The following NCOR1 variants were observed in gnomAD, a reference collection of about 807,000 sequenced individuals.
NCOR1 encodes the protein nuclear receptor corepressor 1, also known as protein phosphatase 1, regulatory subunit 109.
NCOR1 carries 63 observed loss-of-function variants against 288.1 expected under a neutral mutation model. That is an observed-to-expected ratio of 0.22 (90% CI 0.18 to 0.27). The LOEUF (loss-of-function observed/expected upper bound fraction) is 0.27. NCOR1 is among the 10% of genes least tolerant of loss of function. The pLI is 1.00. For missense variants in NCOR1, 2,397 were observed against 3,019.2 expected (o/e 0.79, Z 4.83); for synonymous variants, 1,007 against 1,065.9 (o/e 0.94, Z 1.08).
intron 18 of NCOR1, among the ~76,000 whole-genome samples, chr17:16,113,275 A>T (rs926978525): frequency 6.6e-6 from 1 of 152,092 alleles, no homozygotes; most frequent in Non-Finnish European, 1.5e-5. Flanking sequence ...TGACTTACTA[A>T]AACAGTGGCA....
At position 16,031,052 on chromosome 17, in the gene NCOR1, C is replaced by T. The variant is rs1971889816; in HGVS notation, c.*1244G>A. ...GTATGAAAAAAACTTTAAAATTCAG[C>T]AAGCAATTCTTAATGAAAGATAAAA... is the stretch of plus-strand genomic sequence containing the variant. On this transcript the variant is annotated 3_prime_UTR_variant, in exon 46 of 46. Coordinates refer to ENST00000268712, the MANE Select transcript of NCOR1 (RefSeq NM_006311.4). The T allele has an allele frequency of 5.2e-6, 1 of 193,712 alleles. No individual in the cohort carries two copies. The highest frequency in any genetic ancestry group is 1.9e-4 in the South Asian group (1 of 5,194). 12.0% of individuals were successfully genotyped at this position (193,712 alleles called of 1,614,324 possible).
intron 18 of NCOR1, among the ~76,000 whole-genome samples, chr17:16,109,788 G>A (rs887435392): frequency 1.3e-5 from 2 of 152,022 alleles, no homozygotes; most frequent in Non-Finnish European, 2.9e-5. Flanking sequence ...AGGCTGGAGT[G>A]CAGTGGCAGG....
At chr17:16,080,144 G>A (rs118072442) in intron 25 of NCOR1, 80 bp from the exon 26 acceptor site, 27,831 of 1,186,552 alleles carry the variant, frequency 0.023, 460 homozygotes, top group Non-Finnish European at 0.028. Context: ...CTACTTGGGA[G>A]AGTACTCAAC....
intron 22 of NCOR1, 172 bp downstream of exon 22, chr17:16,091,691 A>C: frequency 8.4e-6 from 12 of 1,432,452 alleles, no homozygotes; most frequent in Non-Finnish European, 1.1e-5. Context: ...GTAGTTAATA[A>C]TACTAACATT....
chr17:16,139,441 A>G (rs2076861304), intron 11 of NCOR1, among the ~76,000 whole-genome samples: 1 of 152,210 alleles, frequency 6.6e-6, no homozygotes, highest in Non-Finnish European at 1.5e-5. Flanking sequence ...CTTTTCTTAA[A>G]CTAAGCTGAT....
intron 21 of NCOR1, among the ~76,000 whole-genome samples, chr17:16,092,671 ATATATATATATATATATATATATATT>A (rs1231680912): frequency 1.3e-4 from 2 of 15,676 alleles, no homozygotes; most frequent in East Asian, 3.4e-3. Context: ...ATATATATAT[ATATATATATATATATATATATATATT>A]TTTTTTTTTT....
intron 5 of NCOR1, among the ~76,000 whole-genome samples, chr17:16,161,230 GACACACACACACACACACACACAC>G (rs67635232): frequency 1.4e-5 from 2 of 143,122 alleles, no homozygotes; most frequent in African/African-American, 2.5e-5. Context: ...AACACACACA[GACACACACACACACACACACACAC>G]ACACACACAC....
rs184318320 is a variant in NCOR1 at position 16,128,924 on chromosome 17, G to A, written c.1510-2718C>T. On this transcript the variant is annotated intron_variant, in intron 14 of 45. Transcript: ENST00000268712. ...CTTGGTCCACTTCCAGAACATTGCTGAACTGTGATATTTTAAAAATAATTC... is the reference window on the plus strand; with the variant it reads ...CTTGGTCCACTTCCAGAACATTGCTAAACTGTGATATTTTAAAAATAATTC... Among the ~76,000 whole-genome samples, 463 of 152,228 alleles carry A rather than the reference G, an allele frequency of 3.0e-3. 1 individual carries two copies. The highest frequency in any genetic ancestry group is 5.6e-3 in the South Asian group (27 of 4,816).
chr17:16,191,596 A>AAT (rs946621915), intron 2 of NCOR1, among the ~76,000 whole-genome samples: 14 of 150,104 alleles, frequency 9.3e-5, no homozygotes, highest in Non-Finnish European at 3.0e-5. Context: ...GATTTAAAAA[A>AAT]AATAAAATAA....
chr17:16,171,545 T>C (rs2083141450), intron 4 of NCOR1, among the ~76,000 whole-genome samples: 1 of 152,192 alleles, frequency 6.6e-6, no homozygotes, highest in Non-Finnish European at 1.5e-5. Context: ...GCTTGAGCAT[T>C]ATTTAATAGA....
intron 42 of NCOR1, among the ~76,000 whole-genome samples, chr17:16,042,191 A>G (rs1266393751): frequency 6.6e-6 from 1 of 152,210 alleles, no homozygotes; most frequent in Non-Finnish European, 1.5e-5. Context: ...AGAACTAGAA[A>G]ACAATGGCCA....
chr17:16,215,437 A>G lies in NCOR1; in HGVS notation c.-146T>C. On this transcript the variant is annotated 5_prime_UTR_variant, in exon 1 of 46. Transcript: ENST00000268712. ...GGACGCGGCCACGGCGCGCGGCCCT[A>G]CACCGGGACCTCGTTCGGCGCGGCG... is the stretch of plus-strand genomic sequence containing the variant. The G allele has an allele frequency of 2.5e-6, 1 of 397,006 alleles. No homozygotes were observed. Among genetic ancestry groups the G allele is most frequent in the Non-Finnish European group, 4.4e-6 (1 of 225,022 alleles). The allele number at this position is 397,006 out of a possible 1,614,324, so 24.6% of individuals were successfully genotyped here.
chr17:16,054,383 G>A (rs891676831), intron 40 of NCOR1, among the ~76,000 whole-genome samples: 10 of 152,086 alleles, frequency 6.6e-5, no homozygotes, highest in South Asian at 2.1e-4. Flanking sequence ...ATTAAAGAGC[G>A]GGTAAAGCGA....
chr17:16,055,208 T>C (rs1478744727), intron 40 of NCOR1, among the ~76,000 whole-genome samples: 2 of 152,202 alleles, frequency 1.3e-5, no homozygotes, highest in African/African-American at 4.8e-5. Flanking sequence ...CATTCTATTA[T>C]AAAGACACAT....
chr17:16,086,392 G>A lies in NCOR1; in HGVS notation c.3067C>T (p.Arg1023Trp), dbSNP rs767556915. 4.3e-6 allele frequency: 7 copies of A among 1,614,064 alleles called. No homozygotes were observed. The highest frequency in any genetic ancestry group is 3.3e-5 in the South Asian group (3 of 91,072). ...CTGGTTGGTCGAGTTGTCGGAAGCC[G>A]AACGCCTTCAGGGAGATTAGTTATC... The part of the protein sequence containing the change: ...QVITNLPEGV[R>W]LPTTRPTRPP... The change falls in exon 23 of 46, where the codon CGG (arginine) becomes TGG (tryptophan). Residue 1023 changes from arginine to tryptophan, a missense_variant. Physicochemically the swap from Arg to Trp is moderately radical, Grantham distance 101. Transcript: ENST00000268712.
chr17:16,172,066 G>A (rs776247790), intron 3 of NCOR1, 71 bp from the exon 4 acceptor site: 1 of 1,245,848 alleles, frequency 8.0e-7, no homozygotes, highest in Non-Finnish European at 1.1e-6. Context: ...AACATCCCTG[G>A]TTAGACTTTG....
At chr17:16,126,056 A>ATT in intron 15 of NCOR1, 26 bp downstream of exon 15, 1 of 1,027,146 alleles carries the variant, frequency 9.7e-7, no homozygotes, top group Non-Finnish European at 1.4e-6. Context: ...CATTTAACTT[A>ATT]TTATATAACT....
At chr17:16,068,715 A>AATT (rs2061404024) in intron 31 of NCOR1, among the ~76,000 whole-genome samples, 2 of 135,268 alleles carry the variant, frequency 1.5e-5, no homozygotes, top group African/African-American at 5.5e-5. Context: ...ATCATCCTCA[A>AATT]TTTTTTTTTT....
intron 44 of NCOR1, 160 bp downstream of exon 44, chr17:16,039,273 T>G: frequency 1.5e-6 from 1 of 658,706 alleles, no homozygotes. Context: ...AATGTCTGGG[T>G]AGGTTTTCAA....
Sources: allele counts gnomAD v4.1 joint callset (sites outside exome capture counted in the v4.1 genomes callset), GRCh38; gene constraint gnomAD v4.1.1; transcripts MANE v1.5; gene names NCBI Gene and HGNC (gene_info 2026-07-23, HGNC 2026-07-21).